ASTN2: variants seen among roughly 807,000 people sequenced by gnomAD.
The protein encoded by ASTN2 is astrotactin-2.
Under a neutral mutation model 139.8 loss-of-function variants are expected in ASTN2, and 54 were observed. The observed-to-expected ratio is 0.39, with a 90% CI of 0.31 to 0.48. The LOEUF is 0.48. Ranked by LOEUF, ASTN2 falls within the 20% of genes least tolerant of loss-of-function variation. The pLI is 0.95. For missense variants in ASTN2, 1,565 were observed against 1,725.1 expected (o/e 0.91, Z 1.64); for synonymous variants, 756 against 719.5 (o/e 1.05, Z -0.81).
intron 6 of ASTN2, among the ~76,000 whole-genome samples, chr9:117,014,100 T>A (rs1837609045): frequency 6.6e-6 from 1 of 152,080 alleles, no homozygotes; most frequent in Non-Finnish European, 1.5e-5. Context: ...ATACCACGGG[T>A]CCTAGCTGTC....
intron 19 of ASTN2, among the ~76,000 whole-genome samples, chr9:116,530,448 T>C (rs1466773388): frequency 2.6e-5 from 4 of 151,828 alleles, no homozygotes; most frequent in African/African-American, 7.3e-5. Flanking sequence ...AATAATATAT[T>C]GTATGCTTGA....
intron 19 of ASTN2, among the ~76,000 whole-genome samples, chr9:116,535,111 T>C (rs1851555261): frequency 6.6e-6 from 1 of 152,360 alleles, no homozygotes; most frequent in African/African-American, 2.4e-5. Context: ...TTTACCATTA[T>C]GTAATGGCCT....
intron 22 of ASTN2, among the ~76,000 whole-genome samples, chr9:116,431,386 G>A (rs1040691607): frequency 6.6e-6 from 1 of 152,152 alleles, no homozygotes; most frequent in African/African-American, 2.4e-5. Context: ...GCAAAAAAAT[G>A]GGAACATGAC....
intron 1 of ASTN2, among the ~76,000 whole-genome samples, chr9:117,401,664 GAC>G (rs1327444908): frequency 6.6e-6 from 1 of 152,132 alleles, no homozygotes; most frequent in Non-Finnish European, 1.5e-5. Context: ...TTGCAGGCTA[GAC>G]ACTCTCTATT....
chr9:116,931,461 C>A (rs1247594266), intron 10 of ASTN2, among the ~76,000 whole-genome samples: 1 of 152,126 alleles, frequency 6.6e-6, no homozygotes, highest in African/African-American at 2.4e-5. Flanking sequence ...TTATTGAATT[C>A]TTATGAGTTT....
At chr9:116,575,646 T>C (rs374288458) in intron 19 of ASTN2, among the ~76,000 whole-genome samples, 2 of 152,284 alleles carry the variant, frequency 1.3e-5, no homozygotes, top group East Asian at 1.9e-4. Context: ...ATTGTTCATA[T>C]AGAAAAGGCA....
At position 116,857,226 on chromosome 9, in the gene ASTN2, T is replaced by C. The variant is rs535957988; in HGVS notation, c.2040+6357A>G. ...TTTCTTTTTTGTAAAATGGACATGATAGTTCCGGGTAGGTGATAATTATAG... is the reference window on the plus strand; with the variant it reads ...TTTCTTTTTTGTAAAATGGACATGACAGTTCCGGGTAGGTGATAATTATAG... On this transcript the variant is annotated intron_variant, in intron 11 of 22. Coordinates refer to ENST00000313400, the MANE Select transcript of ASTN2 (RefSeq NM_001365068.1). Among the ~76,000 whole-genome samples the C allele has an allele frequency of 8.5e-5, 13 of 152,320 alleles. No individual in the cohort carries two copies. The South Asian group carries it at 2.7e-3, about 32-fold the overall frequency.
intron 10 of ASTN2, among the ~76,000 whole-genome samples, chr9:116,906,407 G>A (rs1358817460): frequency 1.3e-5 from 2 of 151,776 alleles, no homozygotes; most frequent in East Asian, 1.9e-4. Flanking sequence ...GCAAAGCTGT[G>A]CTTTTCGGGA....
chr9:116,532,476 A>G (rs1468135536), intron 19 of ASTN2, among the ~76,000 whole-genome samples: 2 of 152,126 alleles, frequency 1.3e-5, no homozygotes, highest in African/African-American at 4.8e-5. Context: ...GATTTCTTCT[A>G]GGGTTTTTAT....
chr9:117,202,035 C>T (rs1182039103), intron 3 of ASTN2, among the ~76,000 whole-genome samples: 10 of 152,106 alleles, frequency 6.6e-5, no homozygotes, highest in Admixed American at 6.5e-4. Context: ...GTATTGGGTG[C>T]ATATATATTC....
At position 116,675,103 on chromosome 9, in the gene ASTN2, C is replaced by A. The variant is rs555797429; in HGVS notation, c.2807-23310G>T. ...CTGCTCATGGTTCAGTGCCCCCCCA[C>A]GCTCCAGCAATGGATCCAGAGGCCA... On this transcript the variant is annotated intron_variant, in intron 16 of 22. Coordinates refer to ENST00000313400, the MANE Select transcript of ASTN2 (RefSeq NM_001365068.1). Among the ~76,000 whole-genome samples, 3 of 152,260 alleles carry A rather than the reference C, an allele frequency of 2.0e-5. No individual in the cohort carries two copies. In the South Asian group the frequency reaches 6.2e-4, roughly 32 times the overall value.
At chr9:116,881,935 GT>G (rs35997800) in intron 10 of ASTN2, among the ~76,000 whole-genome samples, 58,066 of 151,994 alleles carry the variant, frequency 0.38, 12,524 homozygotes, top group Non-Finnish European at 0.49. Flanking sequence ...AATGAATGGA[GT>G]TTTTATGTGG....
chr9:116,765,498 T>A (rs142267312), intron 13 of ASTN2, among the ~76,000 whole-genome samples: 174 of 152,220 alleles, frequency 1.1e-3, no homozygotes, highest in African/African-American at 4.0e-3. Flanking sequence ...GCCCAAGAGG[T>A]TTTGCTTCTG....
intron 2 of ASTN2, among the ~76,000 whole-genome samples, chr9:117,237,359 C>T (rs991219389): frequency 2.6e-5 from 4 of 152,144 alleles, no homozygotes; most frequent in Non-Finnish European, 5.9e-5. Context: ...GCCTTTGGGA[C>T]CTCCCCATGG....
chr9:116,973,765 T>C (rs368718705), intron 10 of ASTN2, among the ~76,000 whole-genome samples: 3 of 152,232 alleles, frequency 2.0e-5, no homozygotes, highest in African/African-American at 7.2e-5. Flanking sequence ...TGAATCAGTA[T>C]GTGAATGTGT....
intron 10 of ASTN2, among the ~76,000 whole-genome samples, chr9:116,961,145 C>T (rs1835864598): frequency 6.6e-6 from 1 of 152,096 alleles, no homozygotes; most frequent in South Asian, 2.1e-4. Context: ...ACCCTTCCCC[C>T]AAAACCATTC....
chr9:116,766,423 C>T (rs926224810), intron 13 of ASTN2, among the ~76,000 whole-genome samples: 11 of 152,030 alleles, frequency 7.2e-5, no homozygotes, highest in African/African-American at 2.7e-4. Flanking sequence ...CAAACACATA[C>T]ATTCACACTC....
At chr9:117,389,135 C>T (rs1320380167) in intron 1 of ASTN2, among the ~76,000 whole-genome samples, 1 of 152,202 alleles carries the variant, frequency 6.6e-6, no homozygotes, top group Non-Finnish European at 1.5e-5. Context: ...GGGTCTACAT[C>T]ACTCTTCCCT....
chr9:117,291,587 C>A, intron 1 of ASTN2, 74 bp from the exon 2 acceptor site: 2 of 1,410,650 alleles, frequency 1.4e-6, no homozygotes, highest in Non-Finnish European at 1.9e-6. Context: ...AAAGAGCCCA[C>A]ATAATCAGGA....
Sources: gnomAD v4.1 joint callset for allele counts (sites outside exome capture counted in the v4.1 genomes callset) on GRCh38, gnomAD v4.1.1 for gene constraint, MANE v1.5 for transcripts, NCBI Gene and HGNC (gene_info 2026-07-23, HGNC 2026-07-21) for gene names.